TOX2: variants seen among roughly 807,000 people sequenced by gnomAD.
TOX2 encodes granulosa cell HMG box 1.
In TOX2, 15 loss-of-function variants were observed where a neutral mutation model predicts 47.4. The ratio of observed to expected loss-of-function variants is 0.32; its 90% confidence interval spans 0.21 to 0.49. TOX2 has a LOEUF of 0.49. Among genes scored for constraint, TOX2 ranks in the 20% least tolerant of loss-of-function variants. The pLI is 0.99. For missense variants in TOX2, 622 were observed against 673.1 expected (o/e 0.92, Z 0.84); for synonymous variants, 290 against 296.6 (o/e 0.98, Z 0.23).
At chr20:43,957,881 C>T (rs1188022129) in intron 1 of TOX2, among the ~76,000 whole-genome samples, 4 of 152,092 alleles carry the variant, frequency 2.6e-5, no homozygotes, top group Non-Finnish European at 4.4e-5. Context: ...AGTGGGGAAG[C>T]GTTACACACT....
intron 3 of TOX2, among the ~76,000 whole-genome samples, chr20:44,047,266 C>T (rs1390785479): frequency 6.6e-6 from 1 of 152,186 alleles, no homozygotes; most frequent in African/African-American, 2.4e-5. Flanking sequence ...TCCCACCCTC[C>T]AGTTGTCAGA....
intron 2 of TOX2, among the ~76,000 whole-genome samples, chr20:44,000,060 C>T (rs963795349): frequency 6.6e-6 from 1 of 152,110 alleles, no homozygotes. Context: ...CCTGGAGTAG[C>T]TGGAGTGGTA....
chr20:44,050,495 C>T (rs1306436290), intron 3 of TOX2, among the ~76,000 whole-genome samples: 1 of 152,102 alleles, frequency 6.6e-6, no homozygotes, highest in Non-Finnish European at 1.5e-5. Context: ...TAAGAGTATG[C>T]AAATAGGTAT....
At chr20:44,003,380 G>A (rs2070620945) in intron 2 of TOX2, among the ~76,000 whole-genome samples, 1 of 151,680 alleles carries the variant, frequency 6.6e-6, no homozygotes. Flanking sequence ...GTAGAGATGG[G>A]GTTTCACCAT....
At chr20:44,055,708 AGGTAGGGTCT>A (rs2071604772) in intron 5 of TOX2, among the ~76,000 whole-genome samples, 1 of 152,040 alleles carries the variant, frequency 6.6e-6, no homozygotes, top group African/African-American at 2.4e-5. Flanking sequence ...AGGTGGGGGA[AGGTAGGGTCT>A]GGAGCATCTT....
At chr20:44,002,316 C>A (rs946138553) in intron 2 of TOX2, among the ~76,000 whole-genome samples, 2 of 152,150 alleles carry the variant, frequency 1.3e-5, no homozygotes, top group Non-Finnish European at 2.9e-5. Context: ...TGTCCCTGTC[C>A]CCCATATCCC....
chr20:44,022,239 A>G (rs2070987744), intron 3 of TOX2, among the ~76,000 whole-genome samples: 1 of 152,098 alleles, frequency 6.6e-6, no homozygotes, highest in Non-Finnish European at 1.5e-5. Flanking sequence ...CTTGGAGAGA[A>G]CTGGATTTTG....
intron 1 of TOX2, among the ~76,000 whole-genome samples, chr20:43,965,991 A>G (rs1277542734): frequency 6.6e-6 from 1 of 152,232 alleles, no homozygotes; most frequent in Non-Finnish European, 1.5e-5. Flanking sequence ...ATAAGGGGAT[A>G]GGAGTTGATA....
intron 3 of TOX2, among the ~76,000 whole-genome samples, chr20:44,018,921 A>G (rs74173186): frequency 0.025 from 3,769 of 152,208 alleles, 50 homozygotes; most frequent in Non-Finnish European, 0.033. Flanking sequence ...GTTCTACCCC[A>G]GTGGGTGACC....
intron 1 of TOX2, among the ~76,000 whole-genome samples, chr20:43,937,564 G>A (rs2069342785): frequency 6.6e-6 from 1 of 152,110 alleles, no homozygotes; most frequent in Admixed American, 6.5e-5. Flanking sequence ...GCTGGCTGGT[G>A]GTCTTTGAAC....
intron 1 of TOX2, among the ~76,000 whole-genome samples, chr20:43,971,882 G>A (rs1434516047): frequency 6.6e-6 from 1 of 152,222 alleles, no homozygotes; most frequent in East Asian, 1.9e-4. Flanking sequence ...ATGTGTATAT[G>A]TAGACAGTCT....
chr20:43,985,314 C>A (rs1266533212), intron 2 of TOX2, among the ~76,000 whole-genome samples: 1 of 152,216 alleles, frequency 6.6e-6, no homozygotes, highest in Non-Finnish European at 1.5e-5. Flanking sequence ...CAGAGGTCTT[C>A]CCCACCTGGC....
intron 2 of TOX2, among the ~76,000 whole-genome samples, chr20:43,975,944 A>T (rs373026425): frequency 5.9e-5 from 9 of 152,238 alleles, no homozygotes; most frequent in Admixed American, 3.3e-4. Flanking sequence ...CTAACAGTGG[A>T]ACAAGGTGGT....
chr20:44,010,418 T>C (rs1663863927), intron 3 of TOX2, among the ~76,000 whole-genome samples: 1 of 152,184 alleles, frequency 6.6e-6, no homozygotes, highest in Non-Finnish European at 1.5e-5. Context: ...TTGCAAGGGT[T>C]CACTGAATTT....
At chr20:44,027,295 G>T (rs1451436465) in intron 3 of TOX2, among the ~76,000 whole-genome samples, 1 of 143,760 alleles carries the variant, frequency 7.0e-6, no homozygotes, top group South Asian at 2.2e-4. Flanking sequence ...AATGTTCAGC[G>T]TTCAGGGGAG....
intron 1 of TOX2, among the ~76,000 whole-genome samples, chr20:43,933,724 A>C (rs570781132): frequency 6.6e-6 from 1 of 152,310 alleles, no homozygotes; most frequent in East Asian, 1.9e-4. Flanking sequence ...TGGGCTGCCC[A>C]GGACAGGGAG....
At chr20:44,001,153 G>A (rs1413438318) in intron 2 of TOX2, among the ~76,000 whole-genome samples, 1 of 152,200 alleles carries the variant, frequency 6.6e-6, no homozygotes, top group Non-Finnish European at 1.5e-5. Flanking sequence ...GGATGCCAGT[G>A]GTAGAGAGAA....
At chr20:44,064,635 A>G (rs2071777199) in intron 5 of TOX2, 142 bp from the exon 6 acceptor site, 9 of 734,048 alleles carry the variant, frequency 1.2e-5, no homozygotes, top group Non-Finnish European at 2.1e-5. Context: ...GAAAGGGGCC[A>G]GTGGCTGGCT....
At chr20:44,023,290 TGTG>T (rs2071003882) in intron 3 of TOX2, among the ~76,000 whole-genome samples, 1 of 151,260 alleles carries the variant, frequency 6.6e-6, no homozygotes, top group South Asian at 2.1e-4. Context: ...TTTAGCTGGA[TGTG>T]GTGGTGAACA....
Sources: gnomAD v4.1 joint callset for allele counts (sites outside exome capture counted in the v4.1 genomes callset) on GRCh38, gnomAD v4.1.1 for gene constraint, MANE v1.5 for transcripts, NCBI Gene and HGNC (gene_info 2026-07-23, HGNC 2026-07-21) for gene names.